The following CAMTA1 variants were observed in gnomAD, a reference collection of about 807,000 sequenced individuals.
The protein encoded by CAMTA1 is calmodulin-binding transcription activator 1.
A neutral mutation model predicts 170.9 loss-of-function variants in CAMTA1; 27 were observed. The observed-to-expected ratio is 0.16, with a 90% CI of 0.12 to 0.22. The LOEUF is 0.22. CAMTA1 is among the 10% of genes least tolerant of loss of function. The pLI is 1.00. For missense variants in CAMTA1, 1,619 were observed against 2,217.2 expected (o/e 0.73, Z 5.42); for synonymous variants, 833 against 891.5 (o/e 0.93, Z 1.17).
intron 4 of CAMTA1, among the ~76,000 whole-genome samples, chr1:7,151,586 G>A (rs541627926): frequency 2.0e-5 from 3 of 152,270 alleles, no homozygotes; most frequent in African/African-American, 7.2e-5. Context: ...GTGTCTTGAC[G>A]GCACAGCCAA....
At chr1:7,548,556 G>GC (rs1199335281) in intron 6 of CAMTA1, among the ~76,000 whole-genome samples, 3 of 148,340 alleles carry the variant, frequency 2.0e-5, no homozygotes, top group Non-Finnish European at 3.0e-5. Context: ...CGTGCAGGGT[G>GC]CCCCTTAGGG....
intron 5 of CAMTA1, among the ~76,000 whole-genome samples, chr1:7,365,477 T>TA (rs2085894199): frequency 6.6e-6 from 1 of 152,218 alleles, no homozygotes; most frequent in Non-Finnish European, 1.5e-5. Flanking sequence ...CCTTTTTTTT[T>TA]AATGCTTCTA....
At chr1:6,790,373 AGAGTGTGT>A (rs1557546943) in intron 1 of CAMTA1, among the ~76,000 whole-genome samples, 1 of 139,952 alleles carries the variant, frequency 7.1e-6, no homozygotes, top group African/African-American at 2.7e-5. Flanking sequence ...AGAGAGAGAG[AGAGTGTGT>A]GTGTGTGTGT....
chr1:7,697,272 G>A (rs2096386488), intron 11 of CAMTA1, among the ~76,000 whole-genome samples: 2 of 122,630 alleles, frequency 1.6e-5, no homozygotes, highest in African/African-American at 6.3e-5. Flanking sequence ...GCACCCACCA[G>A]GCCCTGGGCT....
chr1:7,234,404 C>T lies in CAMTA1; in HGVS notation c.303-15087C>T, dbSNP rs895089356. On this transcript the variant is annotated intron_variant, in intron 4 of 22. Coordinates refer to ENST00000303635, the MANE Select transcript of CAMTA1 (RefSeq NM_015215.4). The surrounding 1 kb of genome is among the most constrained non-coding windows in gnomAD (Gnocchi z 5.0). Reference sequence around the variant, plus strand: ...CACTCATTCGCTATCTCTGGTGGGTCCCCTTTCCCTCCTGCAGCTCTGGGG... The same window carrying T: ...CACTCATTCGCTATCTCTGGTGGGTTCCCTTTCCCTCCTGCAGCTCTGGGG... Among the ~76,000 whole-genome samples the T allele has an allele frequency of 6.6e-6, 1 of 152,196 alleles. No individual in the cohort carries two copies.
chr1:6,853,226 T>C (rs1661087598), intron 3 of CAMTA1: 1 of 152,238 alleles, frequency 6.6e-6, no homozygotes, highest in Non-Finnish European at 1.5e-5. Flanking sequence ...AAAATAATTA[T>C]TTGTGGTTTA....
intron 5 of CAMTA1, among the ~76,000 whole-genome samples, chr1:7,403,371 A>G (rs1557658788): frequency 6.6e-6 from 1 of 152,146 alleles, no homozygotes; most frequent in African/African-American, 2.4e-5. Flanking sequence ...AGAAAATGAT[A>G]TTAATCCCCA....
intron 5 of CAMTA1, among the ~76,000 whole-genome samples, chr1:7,355,394 CAAAAT>C (rs1221175668): frequency 3.3e-5 from 5 of 151,992 alleles, no homozygotes; most frequent in Non-Finnish European, 7.4e-5. Context: ...CAAAACAAAA[CAAAAT>C]AAAACAAACA....
rs566821159 is a variant in CAMTA1 at position 6,970,825 on chromosome 1, A to G, written c.235-120479A>G. Among the ~76,000 whole-genome samples, 1 of 152,324 alleles carries G rather than the reference A, an allele frequency of 6.6e-6. No individual in the cohort carries two copies. The highest frequency in any genetic ancestry group is 6.5e-5 in the Admixed American group (1 of 15,306). ...AGAACAGAACAGACCCAACAACCTC[A>G]GGAGAATGAACAGCCAGGTGTTCCC... On this transcript the variant is annotated intron_variant, in intron 3 of 22. Transcript: ENST00000303635. The surrounding 1 kb of genome is among the most constrained non-coding windows in gnomAD (Gnocchi z 4.4).
intron 3 of CAMTA1, among the ~76,000 whole-genome samples, chr1:7,076,435 T>C (rs569215207): frequency 6.6e-6 from 1 of 152,304 alleles, no homozygotes; most frequent in South Asian, 2.1e-4. Flanking sequence ...ATATGAGCTT[T>C]TGCGCTCCTT....
chr1:6,902,700 A>G (rs184317288), intron 3 of CAMTA1, among the ~76,000 whole-genome samples: 1 of 152,246 alleles, frequency 6.6e-6, no homozygotes, highest in Non-Finnish European at 1.5e-5. Context: ...AGTTATACAC[A>G]TGGCCAATAA....
intron 11 of CAMTA1, among the ~76,000 whole-genome samples, chr1:7,705,308 A>C (rs2096503084): frequency 6.9e-6 from 1 of 145,264 alleles, no homozygotes; most frequent in East Asian, 2.1e-4. Context: ...GGGTGTGTCG[A>C]CGCCCGAGCC....
rs1035439394 is a variant in CAMTA1 at position 7,547,270 on chromosome 1, C to A, written c.510+79369C>A. 4.6e-5 allele frequency among the ~76,000 whole-genome samples: 7 copies of A among 151,738 alleles called. No homozygotes were observed. The highest frequency in any genetic ancestry group is 1.5e-4 in the African/African-American group (6 of 41,262). Reference sequence around the variant, plus strand: ...TTTAGTGGAAAGTGGTGTTTAGAAGCCAAGATCTGGGCCTGAGTATGCTCA... The same window carrying A: ...TTTAGTGGAAAGTGGTGTTTAGAAGACAAGATCTGGGCCTGAGTATGCTCA... On this transcript the variant is annotated intron_variant, in intron 6 of 22. Transcript: ENST00000303635. The surrounding 1 kb of genome is among the most constrained non-coding windows in gnomAD (Gnocchi z 5.7).
intron 3 of CAMTA1, among the ~76,000 whole-genome samples, chr1:6,926,849 A>T (rs1319077523): frequency 6.7e-6 from 1 of 150,090 alleles, no homozygotes; most frequent in Non-Finnish European, 1.5e-5. Context: ...TCCGACCTCA[A>T]CCTCCAAAGT....
chr1:7,548,525 C>T (rs2094737520), intron 6 of CAMTA1, among the ~76,000 whole-genome samples: 1 of 134,912 alleles, frequency 7.4e-6, no homozygotes, highest in Admixed American at 7.5e-5. Context: ...TGGAGGGTGC[C>T]CCCTTAGGGG....
chr1:7,244,714 G>C (rs538124823), intron 4 of CAMTA1, among the ~76,000 whole-genome samples: 222 of 152,166 alleles, frequency 1.5e-3, no homozygotes, highest in African/African-American at 5.1e-3. Context: ...ACACAGGAAG[G>C]GGAACAGCAC....
At chr1:6,866,751 C>T (rs966211843) in intron 3 of CAMTA1, among the ~76,000 whole-genome samples, 3 of 152,096 alleles carry the variant, frequency 2.0e-5, no homozygotes, top group Non-Finnish European at 2.9e-5. Context: ...AGACTGTGCC[C>T]GGACTTTTGC....
intron 4 of CAMTA1, among the ~76,000 whole-genome samples, chr1:7,167,756 A>G (rs778662899): frequency 1.5e-4 from 23 of 152,062 alleles, no homozygotes; most frequent in Non-Finnish European, 2.4e-4. Context: ...TTAATTAATT[A>G]ATTAATTTTA....
chr1:7,227,286 A>G (rs1421543321), intron 4 of CAMTA1, among the ~76,000 whole-genome samples: 3 of 152,212 alleles, frequency 2.0e-5, no homozygotes, highest in African/African-American at 2.4e-5. Flanking sequence ...AGTAGTTTAC[A>G]GGATGCTACT....
Sources: allele counts gnomAD v4.1 joint callset (sites outside exome capture counted in the v4.1 genomes callset), GRCh38; gene constraint gnomAD v4.1.1; non-coding constraint Gnocchi (gnomAD v3.1); transcripts MANE v1.5; gene names NCBI Gene and HGNC (gene_info 2026-07-23, HGNC 2026-07-21).